PCED1B: variants seen among roughly 807,000 people sequenced by gnomAD.
PCED1B encodes the protein PC-esterase domain containing 1B.
For missense variants in PCED1B, 573 were observed against 573.9 expected, an observed-to-expected ratio of 1.00 and a Z score of 0.02; for synonymous variants, 251 against 246.1, an observed-to-expected ratio of 1.02 and a Z score of -0.19.
rs36094308 is a variant in PCED1B at position 47,182,590 on chromosome 12, C to CAA, written c.-525-33622_-525-33621dup. Among the ~76,000 whole-genome samples the CAA allele has an allele frequency of 2.9e-3, 409 of 138,894 alleles. 5 individuals carry two copies. The highest frequency in any genetic ancestry group is 0.011 in the African/African-American group (396 of 37,106). The allele number at this position is 138,894 out of a possible 152,430, so 91.1% of individuals were successfully genotyped here. ...TGGGTGACAGAGCGAGACTCCATCT[C>CAA]AAAAAAAAAAAGAAAAAAAAAGAAT... On this transcript the variant is annotated intron_variant, in intron 2 of 3. Coordinates refer to ENST00000546455, the MANE Select transcript of PCED1B (RefSeq NM_138371.3).
intron 1 of PCED1B, among the ~76,000 whole-genome samples, chr12:47,101,556 A>G (rs528738349): frequency 4.3e-4 from 66 of 152,314 alleles, no homozygotes; most frequent in Middle Eastern, 6.8e-3. Flanking sequence ...TCTACATTAC[A>G]TGCAATTATC....
At chr12:47,223,049 G>A (rs1200160036) in intron 3 of PCED1B, among the ~76,000 whole-genome samples, 1 of 152,112 alleles carries the variant, frequency 6.6e-6, no homozygotes, top group Non-Finnish European at 1.5e-5. Context: ...TGTTGAAGAA[G>A]AGAAGAAAAG....
intron 3 of PCED1B, among the ~76,000 whole-genome samples, chr12:47,217,516 G>GAGAGA (rs1555155137): frequency 1.8e-5 from 2 of 111,802 alleles, no homozygotes; most frequent in South Asian, 3.0e-4. Flanking sequence ...AAGAAAGAAA[G>GAGAGA]AAGAAAGAGA....
chr12:47,196,754 G>C (rs1415271910), intron 2 of PCED1B, among the ~76,000 whole-genome samples: 1 of 152,068 alleles, frequency 6.6e-6, no homozygotes, highest in Non-Finnish European at 1.5e-5. Flanking sequence ...GAACCCAGGA[G>C]ACGGAGGTTG....
intron 1 of PCED1B, among the ~76,000 whole-genome samples, chr12:47,089,581 A>G (rs1312083174): frequency 6.7e-6 from 1 of 150,264 alleles, no homozygotes; most frequent in Non-Finnish European, 1.5e-5. Flanking sequence ...AATCATAAAT[A>G]TGTTTGGTGA....
chr12:47,153,811 C>T (rs1941093475), intron 2 of PCED1B, among the ~76,000 whole-genome samples: 1 of 152,134 alleles, frequency 6.6e-6, no homozygotes, highest in African/African-American at 2.4e-5. Context: ...TTTCCCTTGT[C>T]CTATTTCCTT....
chr12:47,122,272 T>A (rs1174088212), intron 2 of PCED1B, among the ~76,000 whole-genome samples: 1 of 152,042 alleles, frequency 6.6e-6, no homozygotes, highest in Non-Finnish European at 1.5e-5. Flanking sequence ...TGGCCTTTTT[T>A]AAGCACCACA....
intron 2 of PCED1B, among the ~76,000 whole-genome samples, chr12:47,140,242 A>G (rs1052817037): frequency 6.6e-6 from 1 of 152,220 alleles, no homozygotes; most frequent in Non-Finnish European, 1.5e-5. Context: ...CATCATCCTG[A>G]TCACTGAAAT....
intron 3 of PCED1B, among the ~76,000 whole-genome samples, chr12:47,232,587 T>C (rs1308761222): frequency 6.6e-6 from 1 of 152,184 alleles, no homozygotes; most frequent in Non-Finnish European, 1.5e-5. Flanking sequence ...AAGGCTTTTG[T>C]GTAAGTAGAT....
chr12:47,157,587 A>C (rs1202872033), intron 2 of PCED1B, among the ~76,000 whole-genome samples: 1 of 152,154 alleles, frequency 6.6e-6, no homozygotes, highest in East Asian at 1.9e-4. Context: ...AAAATATTAT[A>C]TTGAAATATT....
intron 2 of PCED1B, among the ~76,000 whole-genome samples, chr12:47,105,553 G>A (rs540269035): frequency 1.2e-4 from 19 of 152,278 alleles, no homozygotes; most frequent in African/African-American, 4.6e-4. Flanking sequence ...TAGGGCCTGA[G>A]GTCATGGGGA....
intron 2 of PCED1B, among the ~76,000 whole-genome samples, chr12:47,149,124 C>T (rs1940898218): frequency 6.6e-6 from 1 of 152,190 alleles, no homozygotes; most frequent in African/African-American, 2.4e-5. Context: ...TAAATCTGTG[C>T]TCTCAACGAA....
At chr12:47,166,401 T>A (rs1320158742) in intron 2 of PCED1B, among the ~76,000 whole-genome samples, 1 of 152,240 alleles carries the variant, frequency 6.6e-6, no homozygotes, top group South Asian at 2.1e-4. Context: ...GTCTTTATAA[T>A]CTTTAACTAG....
chr12:47,138,529 T>C (rs1053409036), intron 2 of PCED1B, among the ~76,000 whole-genome samples: 73 of 152,328 alleles, frequency 4.8e-4, no homozygotes, highest in African/African-American at 1.7e-3. Context: ...TTTAGACTAT[T>C]AATTATTTTC....
At chr12:47,083,807 A>G (rs938756442) in intron 1 of PCED1B, among the ~76,000 whole-genome samples, 1 of 152,100 alleles carries the variant, frequency 6.6e-6, no homozygotes, top group African/African-American at 2.4e-5. Context: ...GAGGTACTGC[A>G]TGTCCTCCCC....
Position 47,154,625 on chromosome 12 carries a change from T to C in PCED1B, c.-526+50430T>C, listed in dbSNP as rs191903602. 2.6e-5 allele frequency among the ~76,000 whole-genome samples: 4 copies of C among 152,174 alleles called. No homozygotes were observed. The East Asian group carries it at 7.7e-4, about 29-fold the overall frequency. On this transcript the variant is annotated intron_variant, in intron 2 of 3. Coordinates refer to ENST00000546455, the MANE Select transcript of PCED1B (RefSeq NM_138371.3). ...TGGTTCTGCTACCTAAAAGAGTAAA[T>C]GTATGTGTGTGGATCTCCTGTTTCC...
intron 3 of PCED1B, among the ~76,000 whole-genome samples, chr12:47,225,183 C>T (rs1214833044): frequency 6.6e-6 from 1 of 152,174 alleles, no homozygotes; most frequent in African/African-American, 2.4e-5. Context: ...CCACCCGTCT[C>T]GGCCTCCCAA....
At chr12:47,081,298 TCCTC>T (rs1937704410) in intron 1 of PCED1B, among the ~76,000 whole-genome samples, 1 of 152,160 alleles carries the variant, frequency 6.6e-6, no homozygotes, top group Non-Finnish European at 1.5e-5. Context: ...AACCAACTCT[TCCTC>T]CCCTCCCCCG....
intron 2 of PCED1B, among the ~76,000 whole-genome samples, chr12:47,142,132 A>C (rs1280080852): frequency 6.6e-6 from 1 of 152,192 alleles, no homozygotes; most frequent in Non-Finnish European, 1.5e-5. Flanking sequence ...AACCAGGCCT[A>C]CTGACCAAAA....
Sources: gnomAD v4.1 joint callset for allele counts (sites outside exome capture counted in the v4.1 genomes callset) on GRCh38, gnomAD v4.1.1 for gene constraint, MANE v1.5 for transcripts, NCBI Gene and HGNC (gene_info 2026-07-23, HGNC 2026-07-21) for gene names.